Variants in KLHL29 observed in about 807,000 individuals in gnomAD.
The protein encoded by KLHL29 is kelch like family member 29.
In KLHL29, 21 loss-of-function variants were observed where a neutral mutation model predicts 80.4. That is an observed-to-expected ratio of 0.26 (90% CI 0.19 to 0.38). KLHL29 has a LOEUF of 0.38. Ranked by LOEUF, KLHL29 falls within the 10% of genes least tolerant of loss-of-function variation. The probability of loss-of-function intolerance (pLI) is 1.00; values close to 1 mark genes in which losing one functional copy is unlikely to be tolerated. For missense variants in KLHL29, 867 were observed against 1,223.9 expected, an observed-to-expected ratio of 0.71 and a Z score of 4.35; for synonymous variants, 511 against 526.8, an observed-to-expected ratio of 0.97 and a Z score of 0.41.
intron 2 of KLHL29, among the ~76,000 whole-genome samples, chr2:23,542,805 G>A (rs1666873417): frequency 6.6e-6 from 1 of 152,174 alleles, no homozygotes; most frequent in African/African-American, 2.4e-5. Flanking sequence ...AGCCACCTGG[G>A]CCTTTCACCA....
intron 1 of KLHL29, among the ~76,000 whole-genome samples, chr2:23,427,786 A>G (rs1485095887): frequency 2.6e-5 from 4 of 152,176 alleles, no homozygotes; most frequent in African/African-American, 9.7e-5. Context: ...AAGGTCCTTG[A>G]TGTCAGTTTT....
intron 2 of KLHL29, among the ~76,000 whole-genome samples, chr2:23,548,232 C>G (rs1667027311): frequency 6.6e-6 from 1 of 152,038 alleles, no homozygotes; most frequent in South Asian, 2.1e-4. Context: ...GAGAATGCAG[C>G]CCAGCTTGGG....
At position 23,669,695 on chromosome 2, in the gene KLHL29, C is replaced by T. The variant is rs755922821; in HGVS notation, c.941-14704C>T. Among the ~76,000 whole-genome samples the T allele has an allele frequency of 4.6e-5, 7 of 152,112 alleles. No homozygotes were observed. Among genetic ancestry groups the T allele is most frequent in the African/African-American group, 7.2e-5 (3 of 41,416 alleles). Reference sequence around the variant, plus strand: ...GATGGTCCCCCCTCTGTGTGGCTGCCCTGCCACCCCCAGTCAGCCTCTGAG... The same window carrying T: ...GATGGTCCCCCCTCTGTGTGGCTGCTCTGCCACCCCCAGTCAGCCTCTGAG... On this transcript the variant is annotated intron_variant, in intron 5 of 13. Transcript: ENST00000486442. The surrounding 1 kb of genome is among the most constrained non-coding windows in gnomAD (Gnocchi z 4.3).
intron 2 of KLHL29, among the ~76,000 whole-genome samples, chr2:23,538,478 C>T (rs1160754474): frequency 6.6e-6 from 1 of 152,184 alleles, no homozygotes; most frequent in Non-Finnish European, 1.5e-5. Context: ...ATCTGTCATC[C>T]TTTGTCAGCT....
At position 23,562,269 on chromosome 2, in the gene KLHL29, G is replaced by A. The variant is rs776035888; in HGVS notation, c.73G>A (p.Gly25Arg). The A allele has an allele frequency of 6.5e-6, 10 of 1,549,046 alleles. No homozygotes were observed. Among genetic ancestry groups the A allele is most frequent in the South Asian group, 3.6e-5 (3 of 83,920 alleles). ...GWDRREWSVN[G>R]THGTTSICSV... ...GGACCGCCGCGAATGGAGCGTCAACGGGACGCATGGGACCACCAGCATCTG... is the reference window on the plus strand; with the variant it reads ...GGACCGCCGCGAATGGAGCGTCAACAGGACGCATGGGACCACCAGCATCTG... The change falls in exon 3 of 14, where the codon GGG becomes AGG. Residue 25 changes from glycine (G) to arginine (R), a missense_variant. Physicochemically the swap from Gly to Arg is moderately radical, Grantham distance 125 (BLOSUM62 -2). Coordinates refer to ENST00000486442, the MANE Select transcript of KLHL29 (RefSeq NM_052920.2). This position sits in a 1 kb window ranked among gnomAD's most constrained non-coding sequence, Gnocchi z 4.5.
intron 1 of KLHL29, among the ~76,000 whole-genome samples, chr2:23,456,772 G>A (rs1462421613): frequency 2.6e-5 from 4 of 152,368 alleles, no homozygotes; most frequent in African/African-American, 4.8e-5. Context: ...CAAAAAAAGG[G>A]GGTAGCTATG....
chr2:23,651,758 C>T (rs567944515), intron 5 of KLHL29, among the ~76,000 whole-genome samples: 1 of 152,300 alleles, frequency 6.6e-6, no homozygotes, highest in African/African-American at 2.4e-5. Flanking sequence ...CATAAAGGTG[C>T]AGGCAGGGTT....
At chr2:23,459,945 G>A (rs1664165314) in intron 1 of KLHL29, among the ~76,000 whole-genome samples, 1 of 152,210 alleles carries the variant, frequency 6.6e-6, no homozygotes, top group South Asian at 2.1e-4. Context: ...CTTTCCAGAA[G>A]TTTCACCATG....
chr2:23,698,367 G>A (rs113188532), intron 11 of KLHL29, among the ~76,000 whole-genome samples: 2,142 of 152,290 alleles, frequency 0.014, 19 homozygotes, highest in Middle Eastern at 0.034. Context: ...GGGAAGGAAC[G>A]CTCACTGCTT....
chr2:23,684,671 C>A lies in KLHL29; in HGVS notation c.1079+134C>A. 1 of 650,044 alleles carries A rather than the reference C, an allele frequency of 1.5e-6. No individual in the cohort carries two copies. Among genetic ancestry groups the A allele is most frequent in the Non-Finnish European group, 2.5e-6 (1 of 397,968 alleles). The allele number at this position is 650,044 out of a possible 1,614,324, so 40.3% of individuals were successfully genotyped here. The stretch of plus-strand genomic sequence containing the variant: ...AGAGCCAGTAGCCATCTCTCCTCCT[C>A]CTCCTCCTCCTCCTCCCCAGTACCC... On this transcript the variant is annotated intron_variant, in intron 6 of 13. Transcript: ENST00000486442. The surrounding 1 kb of genome is among the most constrained non-coding windows in gnomAD (Gnocchi z 4.4).
At position 23,581,394 on chromosome 2, in the gene KLHL29, G is replaced by A. The variant is rs1298173063; in HGVS notation, c.285+18913G>A. Among the ~76,000 whole-genome samples, 3 of 152,338 alleles carry A rather than the reference G, an allele frequency of 2.0e-5. No homozygotes were observed. In the East Asian group the frequency reaches 5.8e-4, roughly 29 times the overall value. On this transcript the variant is annotated intron_variant, in intron 3 of 13. Coordinates refer to ENST00000486442, the MANE Select transcript of KLHL29 (RefSeq NM_052920.2). ...TTCTATGGCTCAGCTGGTTGAGGAT[G>A]AACCTCTGGGAAGGCAGCTTCCCTA...
At chr2:23,694,947 C>T (rs982438908) in intron 8 of KLHL29, among the ~76,000 whole-genome samples, 18 of 152,322 alleles carry the variant, frequency 1.2e-4, no homozygotes, top group African/African-American at 4.3e-4. Flanking sequence ...ACAGTGGTCT[C>T]TGCACCCCCA....
At chr2:23,623,402 G>A (rs1046150821) in intron 3 of KLHL29, among the ~76,000 whole-genome samples, 5 of 152,296 alleles carry the variant, frequency 3.3e-5, no homozygotes, top group Admixed American at 1.3e-4. Context: ...TAGGGGGAGC[G>A]AGCTCTGTTT....
intron 1 of KLHL29, among the ~76,000 whole-genome samples, chr2:23,450,374 TTTC>T (rs1663841448): frequency 6.6e-6 from 1 of 152,158 alleles, no homozygotes; most frequent in Non-Finnish European, 1.5e-5. Flanking sequence ...CATCTTACAT[TTTC>T]TTAATTCATA....
intron 2 of KLHL29, among the ~76,000 whole-genome samples, chr2:23,509,023 C>T (rs983521562): frequency 2.0e-5 from 3 of 152,132 alleles, no homozygotes; most frequent in African/African-American, 4.8e-5. Flanking sequence ...TATGTACCTC[C>T]GTCATGAGAA....
At position 23,642,359 on chromosome 2, in the gene KLHL29, C is replaced by T. The variant is rs1231126642; in HGVS notation, c.449C>T (p.Thr150Met). ...GCAGGCACAGGGCCATGGGTGACCA[C>T]GGTGGCCGCCGGGAACCAGCCCACC... ...DNPGTGPWVT[T>M]VAAGNQPTLI... Residue 150 changes from threonine to methionine, a missense_variant, in exon 5 of 14, where the codon ACG becomes ATG. Coordinates refer to ENST00000486442, the MANE Select transcript of KLHL29 (RefSeq NM_052920.2). 7.7e-6 allele frequency: 11 copies of T among 1,434,956 alleles called. 1 individual carries two copies. The highest frequency in any genetic ancestry group is 6.3e-5 in the South Asian group (4 of 63,524). The allele number at this position is 1,434,956 out of a possible 1,614,324, so 88.9% of individuals were successfully genotyped here. A position where few individuals can be genotyped will look rare whatever the true frequency, so the allele number is the denominator to read the frequency against.
chr2:23,576,939 C>T (rs564329566), intron 3 of KLHL29, among the ~76,000 whole-genome samples: 2 of 152,198 alleles, frequency 1.3e-5, no homozygotes, highest in Non-Finnish European at 2.9e-5. Context: ...GCACCAGCAG[C>T]TTTGTCCCTG....
chr2:23,571,296 G>C (rs752317174), intron 3 of KLHL29, among the ~76,000 whole-genome samples: 1 of 152,258 alleles, frequency 6.6e-6, no homozygotes, highest in African/African-American at 2.4e-5. Flanking sequence ...CCTGCCTGGT[G>C]AGTTGATTGT....
intron 2 of KLHL29, among the ~76,000 whole-genome samples, chr2:23,524,725 T>C (rs922407759): frequency 2.6e-5 from 4 of 152,106 alleles, no homozygotes; most frequent in Admixed American, 1.3e-4. Flanking sequence ...CTCCCAAGAG[T>C]CCAGAAAGCT....
Sources: allele counts gnomAD v4.1 joint callset (sites outside exome capture counted in the v4.1 genomes callset), GRCh38; gene constraint gnomAD v4.1.1; non-coding constraint Gnocchi (gnomAD v3.1); transcripts MANE v1.5; gene names NCBI Gene and HGNC (gene_info 2026-07-23, HGNC 2026-07-21).